The following NDRG3 variants were observed in gnomAD, a reference collection of about 807,000 sequenced individuals.
NDRG3 encodes the protein NDRG family member 3.
NDRG3 carries 23 observed loss-of-function variants against 57.2 expected under a neutral mutation model. That is an observed-to-expected ratio of 0.40 (90% CI 0.29 to 0.57). The LOEUF is 0.57. NDRG3 is among the 20% of genes least tolerant of loss of function. The pLI is 0.42. For synonymous variants in NDRG3, 132 were observed against 162.6 expected, an observed-to-expected ratio of 0.81 and a Z score of 1.43; for missense variants, 384 against 457.3, an observed-to-expected ratio of 0.84 and a Z score of 1.46.
intron 1 of NDRG3, among the ~76,000 whole-genome samples, chr20:36,733,171 A>AAATATATAT (rs1555807709): frequency 1.8e-3 from 60 of 33,106 alleles, no homozygotes; most frequent in Non-Finnish European, 2.7e-3. Context: ...AAAAAAAAAA[A>AAATATATAT]ATATATATAT....
chr20:36,736,452 G>A (rs930613705), intron 1 of NDRG3, among the ~76,000 whole-genome samples: 5 of 152,188 alleles, frequency 3.3e-5, no homozygotes, highest in Non-Finnish European at 7.4e-5. Flanking sequence ...GAACTAGCAT[G>A]CGGATTCCTA....
chr20:36,717,166 T>C (rs1454535624), intron 2 of NDRG3, among the ~76,000 whole-genome samples: 3 of 152,168 alleles, frequency 2.0e-5, no homozygotes, highest in Non-Finnish European at 4.4e-5. Flanking sequence ...ATGACAAAAT[T>C]ATCCACTTCT....
intron 8 of NDRG3, among the ~76,000 whole-genome samples, chr20:36,675,727 G>C (rs1419091290): frequency 6.6e-6 from 1 of 151,778 alleles, no homozygotes; most frequent in African/African-American, 2.4e-5. Flanking sequence ...TCACTATGTT[G>C]CCCAGGCTGG....
At chr20:36,701,990 C>T (rs148583142) in intron 3 of NDRG3, among the ~76,000 whole-genome samples, 45 of 152,110 alleles carry the variant, frequency 3.0e-4, no homozygotes, top group Non-Finnish European at 5.6e-4. Flanking sequence ...TGGAATGACA[C>T]GATCTGACTT....
chr20:36,745,002 GCCAGCAGGCA>G (rs1221740501), intron 1 of NDRG3, among the ~76,000 whole-genome samples: 13 of 149,046 alleles, frequency 8.7e-5, no homozygotes, highest in Non-Finnish European at 1.5e-4. Flanking sequence ...TGATCTGGAT[GCCAGCAGGCA>G]AGGATCACTC....
chr20:36,658,304 G>T (rs1226017302), intron 13 of NDRG3, among the ~76,000 whole-genome samples: 4 of 152,034 alleles, frequency 2.6e-5, no homozygotes, highest in Admixed American at 6.6e-5. Flanking sequence ...GCTAATTTTT[G>T]TATTTTTAGT....
chr20:36,680,148 T>A (rs1286305793), intron 8 of NDRG3, among the ~76,000 whole-genome samples: 1 of 151,368 alleles, frequency 6.6e-6, no homozygotes, highest in Non-Finnish European at 1.5e-5. Flanking sequence ...GAACTACTGC[T>A]ACATACAACT....
At chr20:36,679,593 TC>T (rs1250335080) in intron 8 of NDRG3, among the ~76,000 whole-genome samples, 1 of 151,630 alleles carries the variant, frequency 6.6e-6, no homozygotes, top group Non-Finnish European at 1.5e-5. Context: ...AATCTCCACC[TC>T]CCAGGTTCAA....
At chr20:36,689,526 C>G (rs950286493) in intron 3 of NDRG3, among the ~76,000 whole-genome samples, 3 of 152,100 alleles carry the variant, frequency 2.0e-5, no homozygotes, top group African/African-American at 7.2e-5. Context: ...GATAATTTCA[C>G]CAGACACCTA....
intron 3 of NDRG3, among the ~76,000 whole-genome samples, chr20:36,702,960 A>T (rs541255095): frequency 8.5e-5 from 13 of 152,174 alleles, no homozygotes; most frequent in African/African-American, 3.1e-4. Flanking sequence ...CTGGGATTAC[A>T]GTTGTGAGCC....
chr20:36,721,954 T>C (rs959487878), intron 1 of NDRG3, among the ~76,000 whole-genome samples, 171 bp from the exon 2 acceptor site: 1 of 152,206 alleles, frequency 6.6e-6, no homozygotes. Flanking sequence ...GTCTATAGGA[T>C]TCTTGCCTCC....
At chr20:36,674,914 TTTGA>T in intron 8 of NDRG3, among the ~76,000 whole-genome samples, 1 of 136,422 alleles carries the variant, frequency 7.3e-6, no homozygotes, top group African/African-American at 3.2e-5. Context: ...TTTTTTTTTT[TTTGA>T]GACAGGGTCT....
At chr20:36,723,711 GT>G (rs150408734) in intron 1 of NDRG3, among the ~76,000 whole-genome samples, 41 of 126,984 alleles carry the variant, frequency 3.2e-4, no homozygotes, top group East Asian at 2.0e-3. Flanking sequence ...TGGTGTTTTT[GT>G]TTTTTTTTTT....
At chr20:36,655,472 A>T (rs553706069) in intron 15 of NDRG3, among the ~76,000 whole-genome samples, 1 of 152,348 alleles carries the variant, frequency 6.6e-6, no homozygotes, top group South Asian at 2.1e-4. Flanking sequence ...CTTACAATAC[A>T]AGAGACCAGG....
intron 3 of NDRG3, among the ~76,000 whole-genome samples, chr20:36,704,813 C>A (rs960266188): frequency 2.6e-5 from 4 of 152,106 alleles, no homozygotes; most frequent in African/African-American, 9.7e-5. Flanking sequence ...GTACTATGAG[C>A]CTGACCCTTC....
At chr20:36,698,388 G>C (rs1982980546) in intron 3 of NDRG3, among the ~76,000 whole-genome samples, 2 of 151,812 alleles carry the variant, frequency 1.3e-5, no homozygotes, top group South Asian at 4.2e-4. Flanking sequence ...CCAGGAGTTT[G>C]AGACCAGCCT....
At chr20:36,660,430 GAAAAA>G in intron 12 of NDRG3, 46 bp from the exon 13 acceptor site, 1 of 1,417,712 alleles carries the variant, frequency 7.1e-7, no homozygotes, top group Non-Finnish European at 9.9e-7. Context: ...GAGTTGCTAG[GAAAAA>G]AAACGAAATA....
chr20:36,723,659 A>AATGTGTGTGTGT (rs74173994), intron 1 of NDRG3, among the ~76,000 whole-genome samples: 55 of 132,940 alleles, frequency 4.1e-4, no homozygotes, highest in African/African-American at 1.5e-3. Flanking sequence ...ATATTAGTCT[A>AATGTGTGTGTGT]GTGTGTGTGT....
chr20:36,661,177 CTT>C (rs1428396127), intron 12 of NDRG3, among the ~76,000 whole-genome samples: 1 of 152,172 alleles, frequency 6.6e-6, no homozygotes, highest in Non-Finnish European at 1.5e-5. Flanking sequence ...TATCCTCACT[CTT>C]TTCTATCTCA....
Sources: allele counts gnomAD v4.1 joint callset (sites outside exome capture counted in the v4.1 genomes callset), GRCh38; gene constraint gnomAD v4.1.1; transcripts MANE v1.5; gene names NCBI Gene and HGNC (gene_info 2026-07-23, HGNC 2026-07-21).